The following FNIP2 variants were observed in gnomAD, a reference collection of about 807,000 sequenced individuals.
FNIP2 encodes folliculin interacting protein 2.
FNIP2 carries 32 observed loss-of-function variants against 108.7 expected under a neutral mutation model. That is an observed-to-expected ratio of 0.29 (90% CI 0.22 to 0.40). The LOEUF (loss-of-function observed/expected upper bound fraction) is 0.40. FNIP2 is among the 10% of genes least tolerant of loss of function. FNIP2 has a pLI of 1.00. For synonymous variants in FNIP2, 480 were observed against 496.7 expected (o/e 0.97, Z 0.45); for missense variants, 1,202 against 1,381.6 (o/e 0.87, Z 2.06).
chr4:158,844,313 G>T (rs1196789828), intron 7 of FNIP2, among the ~76,000 whole-genome samples: 1 of 152,160 alleles, frequency 6.6e-6, no homozygotes, highest in African/African-American at 2.4e-5. Flanking sequence ...TATATAAGTA[G>T]GAGTATGCTT....
chr4:158,864,377 A>G (rs1318131869), intron 12 of FNIP2, among the ~76,000 whole-genome samples: 1 of 152,226 alleles, frequency 6.6e-6, no homozygotes, highest in African/African-American at 2.4e-5. Context: ...GCACAAAAGA[A>G]ATTAGAAAAC....
rs1031527535 is a variant in FNIP2 at position 158,907,811 on chromosome 4, C to T, written c.*3267C>T. 6.6e-6 allele frequency: 1 copy of T among 151,948 alleles called. No individual in the cohort carries two copies. The highest frequency in any genetic ancestry group is 2.4e-5 in the African/African-American group (1 of 41,356). The allele number at this position is 151,948 out of a possible 1,614,324, so 9.4% of individuals were successfully genotyped here. A position where few individuals can be genotyped will look rare whatever the true frequency, so the allele number is the denominator to read the frequency against. ...TTTTTAAATGTCAAAATATGATGAA[C>T]GATATATCTTGAAAGTGAGATTGCA... On this transcript the variant is annotated 3_prime_UTR_variant, in exon 17 of 17. Coordinates refer to ENST00000264433, the MANE Select transcript of FNIP2 (RefSeq NM_020840.3).
At chr4:158,812,675 C>T (rs1777344145) in intron 1 of FNIP2, among the ~76,000 whole-genome samples, 1 of 151,930 alleles carries the variant, frequency 6.6e-6, no homozygotes, top group Admixed American at 6.6e-5. Context: ...CACCTTGCCC[C>T]CACAGTATCA....
chr4:158,777,012 C>A lies in FNIP2; in HGVS notation c.107+7693C>A, dbSNP rs574174434. 5.3e-5 allele frequency among the ~76,000 whole-genome samples: 8 copies of A among 152,254 alleles called. No homozygotes were observed. The East Asian group carries it at 1.5e-3, about 29-fold the overall frequency. ...ATCAAAATGATAGGGTAAAAGTGCT[C>A]TAACAGTTGATTGACCTGCACCCCC... On this transcript the variant is annotated intron_variant, in intron 1 of 16. Transcript: ENST00000264433.
intron 14 of FNIP2, chr4:158,889,988 G>A (rs1394092706): frequency 7.8e-5 from 77 of 985,218 alleles, no homozygotes; most frequent in Non-Finnish European, 9.2e-5. Flanking sequence ...AAGCGTAGGG[G>A]TGAAAGGGTC....
chr4:158,825,143 A>G (rs535448311), intron 1 of FNIP2, among the ~76,000 whole-genome samples: 1 of 152,232 alleles, frequency 6.6e-6, no homozygotes, highest in Non-Finnish European at 1.5e-5. Context: ...ACACTCAAAT[A>G]TGTGTTGACT....
intron 16 of FNIP2, 68 bp downstream of exon 16, chr4:158,895,933 GT>G: frequency 1.7e-6 from 2 of 1,186,612 alleles, no homozygotes; most frequent in South Asian, 1.3e-5. Flanking sequence ...CCACTAACGT[GT>G]TTAGCCTGTG....
rs542371635 is a variant in FNIP2 at position 158,868,621 on chromosome 4, C to T, written c.1985C>T (p.Ser662Phe). ...EKNKEAPQDG[S>F]SRLPSCEVLG... ...AATAAAGAGGCACCGCAAGATGGCT[C>T]TTCAAGACTTCCCAGCTGTGAAGTT... The change falls in exon 13 of 17, where the codon TCT becomes TTT. Residue 662 changes from serine to phenylalanine, a missense_variant. By Grantham distance (155) the Ser-to-Phe change is radical. Coordinates refer to ENST00000264433, the MANE Select transcript of FNIP2 (RefSeq NM_020840.3). The surrounding 1 kb of genome is among the most constrained non-coding windows in gnomAD (Gnocchi z 4.6). 6.2e-7 allele frequency: 1 copy of T among 1,614,010 alleles called. No homozygotes were observed. Among genetic ancestry groups the T allele is most frequent in the South Asian group, 1.1e-5 (1 of 91,078 alleles).
chr4:158,851,407 C>T lies in FNIP2; in HGVS notation c.814C>T (p.Arg272Ter), dbSNP rs1265345201. Residue 272 changes from arginine (R) to a stop codon, truncating the protein, a stop_gained, in exon 8 of 17, where the codon CGA becomes TGA. Coordinates refer to ENST00000264433, the MANE Select transcript of FNIP2 (RefSeq NM_020840.3). LOFTEE classifies it high-confidence loss of function. ...SSSSYQRRWLRSQTTSLENGI... is the reference protein window; with the variant it reads ...SSSSYQRRWL ...CAGCAGTTACCAGCGCCGCTGGCTT[C>T]GAAGTCAGACAACAAGTTTGGAAAA... 3 of 1,613,788 alleles carry T rather than the reference C, an allele frequency of 1.9e-6. No homozygotes were observed. Among genetic ancestry groups the T allele is most frequent in the African/African-American group, 1.3e-5 (1 of 74,910 alleles).
chr4:158,787,050 A>G (rs985685766), intron 1 of FNIP2, among the ~76,000 whole-genome samples: 3 of 152,056 alleles, frequency 2.0e-5, no homozygotes, highest in African/African-American at 7.2e-5. Flanking sequence ...CCATGACTTC[A>G]GGTAGCTGAT....
At chr4:158,877,002 G>A (rs1781320058) in intron 14 of FNIP2, among the ~76,000 whole-genome samples, 1 of 152,192 alleles carries the variant, frequency 6.6e-6, no homozygotes, top group African/African-American at 2.4e-5. Context: ...TTCCCAAAAT[G>A]TTTTACTACC....
At chr4:158,886,503 T>C (rs182289498) in intron 14 of FNIP2, among the ~76,000 whole-genome samples, 29 of 152,340 alleles carry the variant, frequency 1.9e-4, no homozygotes, top group African/African-American at 7.0e-4. Context: ...TCTGCATTGA[T>C]ACCCTGGCTG....
At chr4:158,781,482 T>C (rs904861676) in intron 1 of FNIP2, among the ~76,000 whole-genome samples, 6 of 152,146 alleles carry the variant, frequency 3.9e-5, no homozygotes, top group African/African-American at 1.4e-4. Flanking sequence ...TTGAGTCTTA[T>C]TAGAGTAGGG....
In FNIP2 at chr4:158,904,479, G is replaced by A. The variant is rs530168564; in HGVS notation, c.3280G>A (p.Asp1094Asn). Residue 1094 changes from aspartate (D) to asparagine (N), a missense_variant, in exon 17 of 17, where the codon GAC (aspartate) becomes AAC (asparagine). Around this residue, in one of 5 missense-constraint regions of FNIP2, gnomAD observed 142 missense variants for 183.8 expected, o/e 0.77. Transcript: ENST00000264433. ...CTCAATATTCAGGATTGAATCCAAC[G>A]ACCTGCCTCTGTTGACTGCTATTGC... ...LGVVLGIESN[D>N]LPLLTAIAST... The A allele has an allele frequency of 1.9e-6, 3 of 1,612,588 alleles. No individual in the cohort carries two copies. Among genetic ancestry groups the A allele is most frequent in the Non-Finnish European group, 1.7e-6 (2 of 1,179,548 alleles).
At chr4:158,872,734 GT>G (rs1345194325) in intron 14 of FNIP2, 119 of 806,686 alleles carry the variant, frequency 1.5e-4, no homozygotes, top group Middle Eastern at 6.3e-4. Flanking sequence ...CTATGGTAGT[GT>G]TTTTTTTTTT....
chr4:158,870,680 G>T (rs1780891731), intron 14 of FNIP2, among the ~76,000 whole-genome samples: 1 of 152,262 alleles, frequency 6.6e-6, no homozygotes, highest in Non-Finnish European at 1.5e-5. Context: ...GACAGAGTAA[G>T]GGGAGGGTGC....
At chr4:158,896,676 C>G (rs992012150) in intron 16 of FNIP2, among the ~76,000 whole-genome samples, 9 of 152,072 alleles carry the variant, frequency 5.9e-5, no homozygotes, top group African/African-American at 2.2e-4. Flanking sequence ...CGGCTCTTGG[C>G]ATTTCCTGTC....
intron 14 of FNIP2, among the ~76,000 whole-genome samples, chr4:158,874,301 G>C (rs1781129420): frequency 6.6e-6 from 1 of 152,096 alleles, no homozygotes; most frequent in South Asian, 2.1e-4. Context: ...ACTGTGAACA[G>C]TACTTACATC....
At chr4:158,833,834 A>C in intron 6 of FNIP2, 1 of 1,504,338 alleles carries the variant, frequency 6.6e-7, no homozygotes, top group Non-Finnish European at 8.9e-7. Context: ...AAACTGCTGC[A>C]GGGGGTAGCT....
Sources: gnomAD v4.1 joint callset for allele counts (sites outside exome capture counted in the v4.1 genomes callset) on GRCh38, gnomAD v4.1.1 for gene constraint, gnomAD v4.1.1 regional missense constraint, Gnocchi (gnomAD v3.1) non-coding constraint, MANE v1.5 for transcripts, NCBI Gene and HGNC (gene_info 2026-07-23, HGNC 2026-07-21) for gene names.